EGLN1: variants seen among roughly 807,000 people sequenced by gnomAD.
The protein encoded by EGLN1 is egl nine homolog 1.
A neutral mutation model predicts 38.3 loss-of-function variants in EGLN1; 17 were observed. The ratio of observed to expected loss-of-function variants is 0.44; its 90% CI spans 0.30 to 0.67. EGLN1 has a LOEUF of 0.67. Among genes scored for constraint, EGLN1 ranks in the 30% least tolerant of loss-of-function variants. The pLI is 0.08. For synonymous variants in EGLN1, 283 were observed against 257.5 expected (o/e 1.10, Z -0.95); for missense variants, 477 against 603.3 (o/e 0.79, Z 2.19).
chr1:231,370,816 A>G (rs1236677963), intron 2 of EGLN1, 118 bp from the exon 3 acceptor site: 2 of 1,151,904 alleles, frequency 1.7e-6, no homozygotes, highest in Non-Finnish European at 2.6e-6. Context: ...AATACGTCTC[A>G]ATAAAGTATG....
At chr1:231,385,797 T>C (rs1382077855) in intron 1 of EGLN1, among the ~76,000 whole-genome samples, 2 of 152,214 alleles carry the variant, frequency 1.3e-5, no homozygotes, top group Admixed American at 6.5e-5. Context: ...CCAGAAAACA[T>C]GTAAATCAGG....
At position 231,408,918 on chromosome 1, in the gene EGLN1, A is replaced by C. The variant is rs570878944; in HGVS notation, c.891+12080T>G. On this transcript the variant is annotated intron_variant, in intron 1 of 4. Coordinates refer to ENST00000366641, the MANE Select transcript of EGLN1 (RefSeq NM_022051.3). ...AATGAAGGTAGGTTCAGGGACCTGC[A>C]AACAGGTTCCTGTGGCTGGAACAGA... Among the ~76,000 whole-genome samples, 88 of 152,262 alleles carry C rather than the reference A, an allele frequency of 5.8e-4. 1 individual carries two copies. The highest frequency in any genetic ancestry group is 2.0e-3 in the African/African-American group (85 of 41,552).
chr1:231,367,710 A>AT, intron 3 of EGLN1, 74 bp from the exon 4 acceptor site: 1 of 1,398,366 alleles, frequency 7.2e-7, no homozygotes, highest in East Asian at 2.3e-5. Flanking sequence ...GCAATGGTAT[A>AT]TTAAAACTTG....
At chr1:231,395,958 G>T (rs762653871) in intron 1 of EGLN1, among the ~76,000 whole-genome samples, 1 of 149,250 alleles carries the variant, frequency 6.7e-6, no homozygotes, top group African/African-American at 2.5e-5. Flanking sequence ...CACACCCAAC[G>T]CACCGCTTTC....
chr1:231,421,453 T>G lies in EGLN1; in HGVS notation c.436A>C (p.Lys146Gln). 6.7e-7 allele frequency: 1 copy of G among 1,487,978 alleles called. No individual in the cohort carries two copies. The highest frequency in any genetic ancestry group is 2.4e-5 in the Admixed American group (1 of 41,916). The allele number at this position is 1,487,978 out of a possible 1,614,324, so 92.2% of individuals were successfully genotyped here. A position where few individuals can be genotyped will look rare whatever the true frequency, so the allele number is the denominator to read the frequency against. Residue 146 changes from lysine (K) to glutamine (Q), a missense_variant, in exon 1 of 5, where the codon AAG becomes CAG. This residue lies in a region of EGLN1 where 298 missense variants were observed against 288.9 expected (regional missense o/e 1.03). Coordinates refer to ENST00000366641, the MANE Select transcript of EGLN1 (RefSeq NM_022051.3). This position sits in a 1 kb window ranked among gnomAD's most constrained non-coding sequence, Gnocchi z 5.5. ...SAVAAEAEPG[K>Q]EEPPARSSLF... ...GATGAGCGGGCCGGCGGCTCCTCCTTGCCGGGCTCGGCTTCGGCAGCCACC... is the reference window on the plus strand; with the variant it reads ...GATGAGCGGGCCGGCGGCTCCTCCTGGCCGGGCTCGGCTTCGGCAGCCACC...
At chr1:231,389,405 T>C (rs1688310830) in intron 1 of EGLN1, among the ~76,000 whole-genome samples, 1 of 151,038 alleles carries the variant, frequency 6.6e-6, no homozygotes. Flanking sequence ...GTTGACAAAA[T>C]GAAAAAAAAT....
intron 1 of EGLN1, among the ~76,000 whole-genome samples, chr1:231,405,777 A>G (rs1455933610): frequency 6.6e-6 from 1 of 152,150 alleles, no homozygotes; most frequent in Non-Finnish European, 1.5e-5. Flanking sequence ...CACATTAAAG[A>G]AAAAGCTTAC....
At position 231,421,643 on chromosome 1, in the gene EGLN1, T is replaced by C; in HGVS notation, c.246A>G (p.Ala82=). The change falls in exon 1 of 5, where the codon GCA becomes GCG. Residue 82 remains alanine (A), a synonymous_variant. Coordinates refer to ENST00000366641, the MANE Select transcript of EGLN1 (RefSeq NM_022051.3). This position sits in a 1 kb window ranked among gnomAD's most constrained non-coding sequence, Gnocchi z 5.5. ...GGGCCCCGGCCCTGGGCGGCGGCAC[T>C]GCAGCCGGCGGCGCGGGGCCGGAAT... ...HQHSGPAPPA[A]VPPPRAGARE... 2 of 1,453,844 alleles carry C rather than the reference T, an allele frequency of 1.4e-6. No individual in the cohort carries two copies. The highest frequency in any genetic ancestry group is 1.3e-5 in the South Asian group (1 of 75,100). The allele number at this position is 1,453,844 out of a possible 1,614,324, so 90.1% of individuals were successfully genotyped here.
chr1:231,411,851 T>C (rs192407161), intron 1 of EGLN1, among the ~76,000 whole-genome samples: 13 of 151,358 alleles, frequency 8.6e-5, no homozygotes, highest in Admixed American at 3.3e-4. Context: ...ACAAAAAAAT[T>C]AGCCAGGTGT....
chr1:231,394,978 G>C (rs899457569), intron 1 of EGLN1, among the ~76,000 whole-genome samples: 1 of 152,106 alleles, frequency 6.6e-6, no homozygotes, highest in Non-Finnish European at 1.5e-5. Context: ...AAATCACCTA[G>C]GGATAGTGTT....
chr1:231,410,195 A>ACC (rs1688902322), intron 1 of EGLN1, among the ~76,000 whole-genome samples: 1 of 152,078 alleles, frequency 6.6e-6, no homozygotes, highest in East Asian at 2.0e-4. Context: ...AAGTGATGGG[A>ACC]TGTCACTTCC....
chr1:231,380,106 C>A (rs887485438), intron 1 of EGLN1, among the ~76,000 whole-genome samples: 1 of 152,096 alleles, frequency 6.6e-6, no homozygotes, highest in African/African-American at 2.4e-5. Context: ...AATTTAGGAG[C>A]CATCTTCGCA....
intron 1 of EGLN1, among the ~76,000 whole-genome samples, chr1:231,404,751 A>G (rs936867121): frequency 2.0e-5 from 3 of 151,960 alleles, no homozygotes; most frequent in African/African-American, 7.3e-5. Flanking sequence ...TATAGCTTAA[A>G]TAATTAAATT....
chr1:231,370,394 G>T (rs1172610553), intron 3 of EGLN1, among the ~76,000 whole-genome samples, 168 bp downstream of exon 3: 1 of 152,158 alleles, frequency 6.6e-6, no homozygotes, highest in Non-Finnish European at 1.5e-5. Context: ...ATAATTATTT[G>T]AATTCAGATG....
chr1:231,389,306 G>C (rs559459873), intron 1 of EGLN1, among the ~76,000 whole-genome samples: 11 of 152,178 alleles, frequency 7.2e-5, no homozygotes, highest in African/African-American at 2.7e-4. Flanking sequence ...ATCTTGCAGA[G>C]TAAACTATAA....
At chr1:231,419,275 A>G (rs1167749617) in intron 1 of EGLN1, among the ~76,000 whole-genome samples, 2 of 152,234 alleles carry the variant, frequency 1.3e-5, no homozygotes, top group Admixed American at 6.5e-5. Flanking sequence ...CTCTATGAGA[A>G]GCATTTGCTC....
At chr1:231,370,475 C>A in intron 3 of EGLN1, 87 bp downstream of exon 3, 2 of 1,409,404 alleles carry the variant, frequency 1.4e-6, no homozygotes. Flanking sequence ...CAGGAAAATA[C>A]TCATTAGAAA....
chr1:231,408,898 A>C (rs927851867), intron 1 of EGLN1, among the ~76,000 whole-genome samples: 3 of 152,132 alleles, frequency 2.0e-5, no homozygotes, highest in African/African-American at 7.2e-5. Context: ...TAGAAAATGA[A>C]GGTAGGTTCA....
At chr1:231,417,137 A>G (rs1689104409) in intron 1 of EGLN1, among the ~76,000 whole-genome samples, 1 of 152,202 alleles carries the variant, frequency 6.6e-6, no homozygotes, top group South Asian at 2.1e-4. Context: ...AGGATTGTTC[A>G]CCACATCTCT....
Sources: allele counts gnomAD v4.1 joint callset (sites outside exome capture counted in the v4.1 genomes callset), GRCh38; gene constraint gnomAD v4.1.1; regional missense constraint gnomAD v4.1.1; non-coding constraint Gnocchi (gnomAD v3.1); transcripts MANE v1.5; gene names NCBI Gene and HGNC (gene_info 2026-07-23, HGNC 2026-07-21).